PPFIA2: variants seen among roughly 807,000 people sequenced by gnomAD.
The protein encoded by PPFIA2 is liprin-alpha-2.
PPFIA2 carries 46 observed loss-of-function variants against 175.5 expected under a neutral mutation model. The ratio of observed to expected loss-of-function variants is 0.26; its 90% confidence interval spans 0.21 to 0.34. The LOEUF is 0.34. Ranked by LOEUF, PPFIA2 falls within the 10% of genes least tolerant of loss-of-function variation. The pLI, the probability that PPFIA2 is intolerant of heterozygous loss-of-function variation, is 1.00. For synonymous variants in PPFIA2, 568 were observed against 511.4 expected, an observed-to-expected ratio of 1.11 and a Z score of -1.49; for missense variants, 1,179 against 1,506.1, an observed-to-expected ratio of 0.78 and a Z score of 3.60.
chr12:81,638,705 T>TTTTTTA (rs2064472174), intron 4 of PPFIA2, among the ~76,000 whole-genome samples: 1 of 122,094 alleles, frequency 8.2e-6, no homozygotes, highest in African/African-American at 2.9e-5. Context: ...TTTTTTTTTT[T>TTTTTTA]GAGACGGAGT....
chr12:81,572,245 C>T (rs1030979595), intron 4 of PPFIA2, among the ~76,000 whole-genome samples: 2 of 151,952 alleles, frequency 1.3e-5, no homozygotes, highest in African/African-American at 2.4e-5. Flanking sequence ...GACCCATGTC[C>T]TCATCTCCTT....
intron 4 of PPFIA2, among the ~76,000 whole-genome samples, chr12:81,674,720 A>G (rs2072130090): frequency 6.6e-6 from 1 of 152,036 alleles, no homozygotes; most frequent in Admixed American, 6.6e-5. Flanking sequence ...AAAACTTGAA[A>G]TTGATTTAGA....
At chr12:81,267,081 A>C in intron 29 of PPFIA2, 61 bp from the exon 30 acceptor site, 1 of 1,245,996 alleles carries the variant, frequency 8.0e-7, no homozygotes, top group Non-Finnish European at 1.2e-6. Context: ...AAAATCAAGT[A>C]GCTTATATTT....
intron 7 of PPFIA2, among the ~76,000 whole-genome samples, chr12:81,417,559 TA>T (rs977145030): frequency 1.6e-4 from 24 of 151,572 alleles, no homozygotes; most frequent in African/African-American, 5.8e-4. Flanking sequence ...GCTAGGGCAA[TA>T]AAAAGGATTT....
In PPFIA2 at chr12:81,439,189, A is replaced by C. The variant is rs578016048; in HGVS notation, c.645+783T>G. The stretch of plus-strand genomic sequence containing the variant: ...TCCCTCTCTCTCTCTCTCTCTCTAT[A>C]TATATATATAATTTTATTTTATCTA... On this transcript the variant is annotated intron_variant, in intron 7 of 32. Transcript: ENST00000549396. Among the ~76,000 whole-genome samples, 1,203 of 149,384 alleles carry C rather than the reference A, an allele frequency of 8.1e-3. 6 individuals carry two copies. The highest frequency in any genetic ancestry group is 0.015 in the African/African-American group (625 of 40,988).
chr12:81,401,395 TTAAGGG>T (rs1206143921), intron 8 of PPFIA2, among the ~76,000 whole-genome samples: 17 of 152,180 alleles, frequency 1.1e-4, no homozygotes, highest in Non-Finnish European at 1.5e-5. Context: ...GTCAGCGGTG[TTAAGGG>T]TAAGGTTCAT....
At chr12:81,719,212 G>T (rs1300518597) in intron 3 of PPFIA2, among the ~76,000 whole-genome samples, 1 of 151,506 alleles carries the variant, frequency 6.6e-6, no homozygotes, top group Non-Finnish European at 1.5e-5. Flanking sequence ...ATATTTATTA[G>T]TGGGTTCAGC....
intron 4 of PPFIA2, among the ~76,000 whole-genome samples, chr12:81,606,915 C>A (rs1048445074): frequency 2.0e-5 from 3 of 151,840 alleles, no homozygotes; most frequent in African/African-American, 4.8e-5. Flanking sequence ...GGTATTTCTT[C>A]AGTTTTATTT....
At chr12:81,552,101 T>G (rs529699954) in intron 4 of PPFIA2, among the ~76,000 whole-genome samples, 15 of 151,774 alleles carry the variant, frequency 9.9e-5, no homozygotes, top group Non-Finnish European at 2.2e-4. Context: ...TTATATAATT[T>G]CAATAATATT....
At chr12:81,711,148 C>T (rs1199188883) in intron 3 of PPFIA2, among the ~76,000 whole-genome samples, 3 of 151,092 alleles carry the variant, frequency 2.0e-5, no homozygotes, top group Non-Finnish European at 2.9e-5. Context: ...GGATTGCTTG[C>T]ACCCAGGAAT....
At chr12:81,411,084 A>G (rs1188721496) in intron 7 of PPFIA2, among the ~76,000 whole-genome samples, 1 of 152,142 alleles carries the variant, frequency 6.6e-6, no homozygotes, top group Non-Finnish European at 1.5e-5. Context: ...CATGGAAGAC[A>G]ATACAGAGTA....
chr12:81,598,295 A>C, intron 4 of PPFIA2: 1 of 1,218,774 alleles, frequency 8.2e-7, no homozygotes, highest in Admixed American at 4.1e-5. Flanking sequence ...AAAACACAGA[A>C]GGAAAAAAGC....
intron 28 of PPFIA2, among the ~76,000 whole-genome samples, chr12:81,275,941 C>G (rs7295701): frequency 0.18 from 27,339 of 151,690 alleles, 2,622 homozygotes; most frequent in Middle Eastern, 0.22. Flanking sequence ...CCTGCCACCA[C>G]GCCCGGCTAA....
intron 4 of PPFIA2, among the ~76,000 whole-genome samples, chr12:81,524,184 C>T (rs1050473135): frequency 1.3e-5 from 2 of 152,154 alleles, no homozygotes; most frequent in African/African-American, 4.8e-5. Flanking sequence ...AGTCAATGCC[C>T]AGTGGAGCCA....
At chr12:81,265,036 T>C (rs944169597) in intron 30 of PPFIA2, among the ~76,000 whole-genome samples, 1 of 151,648 alleles carries the variant, frequency 6.6e-6, no homozygotes, top group Non-Finnish European at 1.5e-5. Flanking sequence ...CTCACGCCTG[T>C]AATCCCAGCA....
At chr12:81,349,151 T>C (rs2059588965) in intron 17 of PPFIA2, among the ~76,000 whole-genome samples, 1 of 152,202 alleles carries the variant, frequency 6.6e-6, no homozygotes, top group Non-Finnish European at 1.5e-5. Context: ...ATTAACTCAC[T>C]GCTGGTGTCT....
chr12:81,377,453 C>T (rs60084351), intron 9 of PPFIA2, among the ~76,000 whole-genome samples: 54,173 of 151,266 alleles, frequency 0.36, 10,557 homozygotes, highest in East Asian at 0.54. Flanking sequence ...TCAGAGAGGC[C>T]GAGGCCTGAG....
intron 4 of PPFIA2, among the ~76,000 whole-genome samples, chr12:81,646,850 G>A (rs547680425): frequency 6.6e-6 from 1 of 151,686 alleles, no homozygotes; most frequent in African/African-American, 2.4e-5. Flanking sequence ...TGTTTGGTAT[G>A]GAAGGAAGGA....
intron 7 of PPFIA2, among the ~76,000 whole-genome samples, chr12:81,414,363 C>G (rs2044557023): frequency 1.3e-5 from 2 of 151,410 alleles, no homozygotes; most frequent in Admixed American, 1.3e-4. Flanking sequence ...TCATATATTC[C>G]CCAAAATAAA....
Sources: gnomAD v4.1 joint callset for allele counts (sites outside exome capture counted in the v4.1 genomes callset) on GRCh38, gnomAD v4.1.1 for gene constraint, MANE v1.5 for transcripts, NCBI Gene and HGNC (gene_info 2026-07-23, HGNC 2026-07-21) for gene names.